Variants in GPC6 observed in about 807,000 individuals in gnomAD.
GPC6 encodes the protein glypican 6.
A neutral mutation model predicts 55.2 loss-of-function variants in GPC6; 14 were observed. The ratio of observed to expected loss-of-function variants is 0.25; its 90% CI spans 0.17 to 0.40. The LOEUF (loss-of-function observed/expected upper bound fraction) is 0.40, where lower values mean the gene tolerates loss of function less well. GPC6 is among the 10% of genes least tolerant of loss of function. The pLI is 1.00. For missense variants in GPC6, 641 were observed against 708.5 expected (o/e 0.90, Z 1.08); for synonymous variants, 278 against 259.6 (o/e 1.07, Z -0.68).
rs978018288 is a variant in GPC6 at position 94,407,877 on chromosome 13, C to A, written c.*4660C>A. 6.6e-6 allele frequency among the ~76,000 whole-genome samples: 1 copy of A among 152,130 alleles called. No individual in the cohort carries two copies. The highest frequency in any genetic ancestry group is 1.5e-5 in the Non-Finnish European group (1 of 68,014). On this transcript the variant is annotated 3_prime_UTR_variant, in exon 9 of 9. Transcript: ENST00000377047. ...TTATTGAACTCTTATTCTCTATAAACCCTGCTCTAGGGGATTTATCACTGG... is the reference window on the plus strand; with the variant it reads ...TTATTGAACTCTTATTCTCTATAAAACCTGCTCTAGGGGATTTATCACTGG...
At chr13:93,658,477 A>G (rs889091938) in intron 2 of GPC6, among the ~76,000 whole-genome samples, 7 of 151,928 alleles carry the variant, frequency 4.6e-5, no homozygotes, top group South Asian at 2.1e-4. Flanking sequence ...AAGTCTTACC[A>G]TCTTACAATT....
At chr13:94,347,622 A>T (rs977261231) in intron 6 of GPC6, among the ~76,000 whole-genome samples, 43 of 152,236 alleles carry the variant, frequency 2.8e-4, no homozygotes, top group East Asian at 1.9e-4. Context: ...ATGATTTTTT[A>T]AAATAATTTA....
At chr13:94,107,272 C>T (rs550669070) in intron 4 of GPC6, among the ~76,000 whole-genome samples, 1 of 152,156 alleles carries the variant, frequency 6.6e-6, no homozygotes, top group South Asian at 2.1e-4. Context: ...TGCAGTAAAG[C>T]GGCATAAAAG....
intron 1 of GPC6, among the ~76,000 whole-genome samples, chr13:93,460,272 A>G (rs1878629651): frequency 1.3e-5 from 2 of 152,292 alleles, no homozygotes; most frequent in Middle Eastern, 3.4e-3. Context: ...GACTGGATAA[A>G]TGGTCTTTAA....
chr13:93,299,073 G>A (rs1878591770), intron 1 of GPC6, among the ~76,000 whole-genome samples: 2 of 151,824 alleles, frequency 1.3e-5, no homozygotes, highest in African/African-American at 2.4e-5. Context: ...GATCTCATGG[G>A]GTCATTTGTT....
At chr13:94,204,761 T>C (rs1284063515) in intron 4 of GPC6, among the ~76,000 whole-genome samples, 1 of 152,196 alleles carries the variant, frequency 6.6e-6, no homozygotes, top group South Asian at 2.1e-4. Context: ...GAATTAATCA[T>C]ATTCCAATTT....
intron 1 of GPC6, among the ~76,000 whole-genome samples, chr13:93,332,228 AG>A (rs1171399707): frequency 1.3e-5 from 2 of 151,228 alleles, no homozygotes; most frequent in East Asian, 3.9e-4. Flanking sequence ...ACCCAGCAAT[AG>A]GATTGCTAAA....
intron 1 of GPC6, among the ~76,000 whole-genome samples, chr13:93,419,022 GC>G (rs1248354746): frequency 2.7e-5 from 4 of 149,836 alleles, no homozygotes; most frequent in Non-Finnish European, 4.5e-5. Flanking sequence ...ATAGCACTAT[GC>G]CATAGTATTA....
intron 4 of GPC6, among the ~76,000 whole-genome samples, chr13:94,088,066 T>C (rs1885351024): frequency 6.6e-6 from 1 of 152,216 alleles, no homozygotes; most frequent in African/African-American, 2.4e-5. Flanking sequence ...TAAGTTCCTC[T>C]GTGAGTTCTT....
intron 2 of GPC6, among the ~76,000 whole-genome samples, chr13:93,773,917 G>A (rs1392546227): frequency 6.6e-6 from 1 of 152,152 alleles, no homozygotes; most frequent in African/African-American, 2.4e-5. Flanking sequence ...GCAGTACGTA[G>A]TGCCCAATAG....
At chr13:93,830,593 T>G (rs773142402) in intron 3 of GPC6, 48 bp downstream of exon 3, 1 of 1,408,468 alleles carries the variant, frequency 7.1e-7, no homozygotes, top group South Asian at 1.3e-5. Context: ...TTGTTTATTC[T>G]GTTTTTAAAA....
At chr13:93,908,063 G>GA (rs979540549) in intron 3 of GPC6, among the ~76,000 whole-genome samples, 1 of 151,970 alleles carries the variant, frequency 6.6e-6, no homozygotes, top group African/African-American at 2.4e-5. Context: ...TATAGAGAAT[G>GA]AAAAATATAA....
At position 93,830,471 on chromosome 13, in the gene GPC6, C is replaced by A; in HGVS notation, c.637C>A (p.Arg213Ser). 1 of 1,613,596 alleles carries A rather than the reference C, an allele frequency of 6.2e-7. No homozygotes were observed. The highest frequency in any genetic ancestry group is 8.5e-7 in the Non-Finnish European group (1 of 1,179,654). Residue 213 changes from arginine (R) to serine (S), a missense_variant, in exon 3 of 9, where the codon CGC (arginine) becomes AGC (serine). By Grantham distance (110) the Arg-to-Ser change is moderately radical. Coordinates refer to ENST00000377047, the MANE Select transcript of GPC6 (RefSeq NM_005708.5). ...CCGGAAACTGAAGATTCAGGTTACC[C>A]GCGCCTTCATTGCTGCCAGGACCTT... The part of the protein sequence containing the change: ...VPRKLKIQVT[R>S]AFIAARTFVQ...
intron 4 of GPC6, among the ~76,000 whole-genome samples, chr13:94,144,078 A>G (rs1887473605): frequency 6.6e-6 from 1 of 152,042 alleles, no homozygotes; most frequent in South Asian, 2.1e-4. Context: ...AGGAGACAGG[A>G]TTGCATTATC....
chr13:93,822,934 G>A (rs948894676), intron 2 of GPC6, among the ~76,000 whole-genome samples: 2 of 151,266 alleles, frequency 1.3e-5, no homozygotes, highest in Admixed American at 1.3e-4. Flanking sequence ...CACGACCTTG[G>A]CTGCCTGCAA....
intron 3 of GPC6, among the ~76,000 whole-genome samples, chr13:93,983,104 T>A (rs1031773446): frequency 1.3e-5 from 2 of 152,124 alleles, no homozygotes; most frequent in Admixed American, 1.3e-4. Context: ...AAATATATAT[T>A]TATAAGCAAT....
intron 1 of GPC6, among the ~76,000 whole-genome samples, chr13:93,490,175 G>A (rs898402743): frequency 4.0e-5 from 6 of 151,458 alleles, no homozygotes; most frequent in Non-Finnish European, 7.4e-5. Context: ...TTTTTAGCAC[G>A]AAGGGCTGTT....
chr13:93,537,525 A>G (rs1882108377), intron 1 of GPC6, among the ~76,000 whole-genome samples: 1 of 150,344 alleles, frequency 6.7e-6, no homozygotes, highest in Non-Finnish European at 1.5e-5. Flanking sequence ...ATTTCCTCTT[A>G]TCTAGTCATT....
At chr13:93,673,065 C>T (rs758285986) in intron 2 of GPC6, among the ~76,000 whole-genome samples, 12 of 151,960 alleles carry the variant, frequency 7.9e-5, no homozygotes, top group Non-Finnish European at 1.2e-4. Context: ...TGAAAATAAA[C>T]GTGAAGATGT....
Sources: allele counts gnomAD v4.1 joint callset (sites outside exome capture counted in the v4.1 genomes callset), GRCh38; gene constraint gnomAD v4.1.1; transcripts MANE v1.5; gene names NCBI Gene and HGNC (gene_info 2026-07-23, HGNC 2026-07-21).